LINGO2: variants seen among roughly 807,000 people sequenced by gnomAD.
The protein encoded by LINGO2 is leucine-rich repeat and immunoglobulin-like domain-containing nogo receptor-interacting protein 2.
Under a neutral mutation model 30.6 loss-of-function variants are expected in LINGO2, and 14 were observed. The observed-to-expected ratio is 0.46, with a 90% CI of 0.30 to 0.72. The LOEUF (loss-of-function observed/expected upper bound fraction) is 0.72, where lower values mean the gene tolerates loss of function less well. Among genes scored for constraint, LINGO2 ranks in the 30% least tolerant of loss-of-function variants. The probability of loss-of-function intolerance (pLI) is 0.07; values close to 1 mark genes in which losing one functional copy is unlikely to be tolerated. For missense variants in LINGO2, 729 were observed against 751.7 expected, an observed-to-expected ratio of 0.97 and a Z score of 0.35; for synonymous variants, 317 against 288.5, an observed-to-expected ratio of 1.10 and a Z score of -1.00.
In LINGO2 at chr9:28,146,142, C is replaced by G. The variant is rs150637575; in HGVS notation, c.-86-133737G>C. 6.9e-3 allele frequency among the ~76,000 whole-genome samples: 1,052 copies of G among 152,306 alleles called. 9 individuals carry two copies. The highest frequency in any genetic ancestry group is 0.024 in the African/African-American group (980 of 41,560). On this transcript the variant is annotated intron_variant, in intron 4 of 5. Transcript: ENST00000379992. ...ACAGCAGAAGCACACAGCCCTCATT[C>G]GTTATGAACTGCTAGCTGTACCACA...
intron 3 of LINGO2, among the ~76,000 whole-genome samples, chr9:28,298,841 A>G (rs112346914): frequency 6.6e-6 from 1 of 152,358 alleles, no homozygotes; most frequent in African/African-American, 2.4e-5. Context: ...TCACTGTTGT[A>G]CATTAATTTA....
rs534244790 is a variant in LINGO2 at position 27,980,140 on chromosome 9, G to C, written c.-35-29434C>G. Among the ~76,000 whole-genome samples, 9 of 152,010 alleles carry C rather than the reference G, an allele frequency of 5.9e-5. No individual in the cohort carries two copies. The South Asian group carries it at 1.7e-3, about 28-fold the overall frequency. On this transcript the variant is annotated intron_variant, in intron 5 of 5. Coordinates refer to ENST00000379992, the Ensembl canonical transcript of LINGO2. ...GATACTGAGAAAGAAAGGTGCAAAG[G>C]AAGGATCCTGCTTAGCCAGAAGAAG...
chr9:28,661,392 G>A (rs536081375), intron 1 of LINGO2, among the ~76,000 whole-genome samples: 2 of 152,096 alleles, frequency 1.3e-5, no homozygotes, highest in African/African-American at 4.8e-5. Context: ...GAGTAAGTGA[G>A]CTCAGGTACA....
the LINGO2 span, among the ~76,000 whole-genome samples, chr9:29,120,675 T>C: frequency 6.6e-6 from 1 of 152,140 alleles, no homozygotes; most frequent in Non-Finnish European, 1.5e-5. Flanking sequence ...AAATACACTG[T>C]AAGGTGGTAG....
chr9:28,471,506 T>C (rs59373234), intron 2 of LINGO2, among the ~76,000 whole-genome samples: 28,979 of 152,108 alleles, frequency 0.19, 3,008 homozygotes, highest in Non-Finnish European at 0.22. Context: ...CTCCCAACAC[T>C]GCTACACAGG....
chr9:28,334,815 T>C (rs1438456043), intron 3 of LINGO2, among the ~76,000 whole-genome samples: 3 of 152,084 alleles, frequency 2.0e-5, no homozygotes, highest in East Asian at 1.9e-4. Context: ...ACAGTGGGCA[T>C]TGTGATTGTA....
At chr9:28,426,850 C>T (rs1823435514) in intron 2 of LINGO2, among the ~76,000 whole-genome samples, 1 of 152,048 alleles carries the variant, frequency 6.6e-6, no homozygotes, top group Non-Finnish European at 1.5e-5. Context: ...ACCAAACTCC[C>T]CTTTAACAAT....
At chr9:29,191,652 C>T in the LINGO2 span, among the ~76,000 whole-genome samples, 4 of 152,082 alleles carry the variant, frequency 2.6e-5, no homozygotes, top group Admixed American at 2.6e-4. Context: ...GCTTCACTGT[C>T]TAGTTTCTCT....
intron 1 of LINGO2, among the ~76,000 whole-genome samples, chr9:28,651,689 G>A (rs753160568): frequency 2.0e-5 from 3 of 151,948 alleles, no homozygotes; most frequent in Non-Finnish European, 4.4e-5. Flanking sequence ...AAAAACAACA[G>A]CCTTTAGCAT....
the LINGO2 span, among the ~76,000 whole-genome samples, chr9:29,102,263 A>G: frequency 6.6e-6 from 1 of 151,902 alleles, no homozygotes; most frequent in African/African-American, 2.4e-5. Flanking sequence ...TTGTATTTTT[A>G]GTAGAGATGG....
chr9:28,508,027 G>A (rs920581344), intron 1 of LINGO2, among the ~76,000 whole-genome samples: 1 of 151,932 alleles, frequency 6.6e-6, no homozygotes, highest in Non-Finnish European at 1.5e-5. Flanking sequence ...TTGATGAGTG[G>A]GTAGGTTAAA....
At chr9:29,111,937 A>ACATATATTTTTAT in the LINGO2 span, among the ~76,000 whole-genome samples, 1 of 149,258 alleles carries the variant, frequency 6.7e-6, no homozygotes, top group African/African-American at 2.5e-5. Context: ...GTGTATATAT[A>ACATATATTTTTAT]ATGTATTTAA....
At chr9:28,713,099 C>T in the LINGO2 span, among the ~76,000 whole-genome samples, 2 of 152,012 alleles carry the variant, frequency 1.3e-5, no homozygotes, top group East Asian at 1.9e-4. Flanking sequence ...CTCCTGACCT[C>T]GTGATCAACC....
the LINGO2 span, among the ~76,000 whole-genome samples, chr9:28,985,690 G>A: frequency 6.6e-6 from 1 of 151,900 alleles, no homozygotes; most frequent in African/African-American, 2.4e-5. Flanking sequence ...CAGGTCCCTT[G>A]CCCATTTTGT....
At chr9:29,003,684 C>G in the LINGO2 span, among the ~76,000 whole-genome samples, 1 of 151,904 alleles carries the variant, frequency 6.6e-6, no homozygotes, top group Non-Finnish European at 1.5e-5. Flanking sequence ...TGAGAATCAA[C>G]TCTAGGGTCA....
intron 1 of LINGO2, among the ~76,000 whole-genome samples, chr9:28,518,514 C>A (rs1820712578): frequency 6.6e-6 from 1 of 152,098 alleles, no homozygotes. Flanking sequence ...CTCGACTTAC[C>A]TTTTTCTTCC....
At chr9:28,421,185 C>A (rs1823180476) in intron 2 of LINGO2, among the ~76,000 whole-genome samples, 1 of 151,156 alleles carries the variant, frequency 6.6e-6, no homozygotes, top group Non-Finnish European at 1.5e-5. Context: ...ATTAAGAAAA[C>A]AATTTAATTT....
At chr9:28,942,526 TA>T in the LINGO2 span, among the ~76,000 whole-genome samples, 35 of 152,326 alleles carry the variant, frequency 2.3e-4, 1 homozygote, top group South Asian at 7.3e-3. Context: ...TGCCACTAAC[TA>T]GCTGTGACAT....
At chr9:29,058,094 G>A in the LINGO2 span, among the ~76,000 whole-genome samples, 2 of 152,086 alleles carry the variant, frequency 1.3e-5, no homozygotes, top group African/African-American at 2.4e-5. Flanking sequence ...GCAAGAAAAT[G>A]TAACCTATAG....
Sources: allele counts gnomAD v4.1 joint callset (sites outside exome capture counted in the v4.1 genomes callset), GRCh38; gene constraint gnomAD v4.1.1; transcripts MANE v1.5; gene names NCBI Gene and HGNC (gene_info 2026-07-23, HGNC 2026-07-21).